RBMS3: variants seen among roughly 807,000 people sequenced by gnomAD.
The protein encoded by RBMS3 is RNA binding motif single stranded interacting protein 3, also known as RNA-binding motif, single-stranded-interacting protein 3.
Under a neutral mutation model 66.8 loss-of-function variants are expected in RBMS3, and 27 were observed. That is an observed-to-expected ratio of 0.40 (90% CI 0.30 to 0.56). RBMS3 has a LOEUF of 0.56. Among genes scored for constraint, RBMS3 ranks in the 20% least tolerant of loss-of-function variants. The pLI is 0.40. For synonymous variants in RBMS3, 188 were observed against 183.0 expected (o/e 1.03, Z -0.22); for missense variants, 513 against 549.5 (o/e 0.93, Z 0.66).
chr3:29,543,140 G>C (rs1044688560), intron 3 of RBMS3, among the ~76,000 whole-genome samples: 1 of 152,084 alleles, frequency 6.6e-6, no homozygotes, highest in African/African-American at 2.4e-5. Flanking sequence ...ACCTCCAAGA[G>C]ACATTTCCAT....
chr3:29,961,801 CACA>C (rs1180271463), intron 12 of RBMS3, among the ~76,000 whole-genome samples: 1 of 151,402 alleles, frequency 6.6e-6, no homozygotes, highest in African/African-American at 2.4e-5. Flanking sequence ...AGGTCCTTCC[CACA>C]ACATGTGAGG....
chr3:29,343,393 A>G (rs544282645), intron 1 of RBMS3, among the ~76,000 whole-genome samples: 2 of 152,258 alleles, frequency 1.3e-5, no homozygotes, highest in East Asian at 3.9e-4. Context: ...AGAACAATGC[A>G]ATTTGACATA....
intron 3 of RBMS3, among the ~76,000 whole-genome samples, chr3:29,509,321 G>A (rs751017808): frequency 3.3e-5 from 5 of 152,100 alleles, no homozygotes; most frequent in Non-Finnish European, 5.9e-5. Flanking sequence ...CTCTTTGCCT[G>A]TAACGTAACA....
intron 3 of RBMS3, among the ~76,000 whole-genome samples, chr3:29,527,882 A>G (rs2148987348): frequency 6.7e-6 from 1 of 149,188 alleles, no homozygotes; most frequent in East Asian, 2.0e-4. Context: ...AAACCTGCAC[A>G]TTGTGCACAT....
At chr3:29,738,307 A>G (rs555859973) in intron 4 of RBMS3, among the ~76,000 whole-genome samples, 1 of 152,220 alleles carries the variant, frequency 6.6e-6, no homozygotes, top group East Asian at 1.9e-4. Flanking sequence ...TCTTTTTCTA[A>G]TTTAATGTCT....
In RBMS3 at chr3:29,472,194, ATT is replaced by A. The variant is rs11326167; in HGVS notation, c.249-16230_249-16229del. Among the ~76,000 whole-genome samples, 493 of 139,862 alleles carry A rather than the reference ATT, an allele frequency of 3.5e-3. 2 individuals carry two copies. Among genetic ancestry groups the A allele is most frequent in the African/African-American group, 0.01 (385 of 37,804 alleles). 91.8% of individuals were successfully genotyped at this position (139,862 alleles called of 152,430 possible). A position where few individuals can be genotyped will look rare whatever the true frequency, so the allele number is the denominator to read the frequency against. On this transcript the variant is annotated intron_variant, in intron 2 of 14. Coordinates refer to ENST00000383767, the MANE Select transcript of RBMS3 (RefSeq NM_001003793.3). ...GGAAAAACCCTTTATGCCTCTTCTA[ATT>A]TTTTTTTTTTTTTTTTGAAATGGGG...
chr3:29,629,315 T>C (rs2049193882), intron 4 of RBMS3, among the ~76,000 whole-genome samples: 1 of 152,122 alleles, frequency 6.6e-6, no homozygotes, highest in Non-Finnish European at 1.5e-5. Flanking sequence ...GGCAAATTAT[T>C]TAACTCTTCT....
chr3:29,305,424 A>G (rs1345411084), intron 1 of RBMS3, among the ~76,000 whole-genome samples: 2 of 151,918 alleles, frequency 1.3e-5, no homozygotes, highest in African/African-American at 2.4e-5. Context: ...TCTCAACACA[A>G]TGGTAGGTGC....
At chr3:29,483,102 G>A (rs919620997) in intron 2 of RBMS3, among the ~76,000 whole-genome samples, 6 of 151,282 alleles carry the variant, frequency 4.0e-5, no homozygotes, top group African/African-American at 1.5e-4. Context: ...AGTCGAGATC[G>A]AGACCATCCT....
intron 2 of RBMS3, among the ~76,000 whole-genome samples, chr3:29,469,664 C>CATATATATATATATAT (rs138407126): frequency 6.7e-6 from 1 of 148,260 alleles, no homozygotes; most frequent in Non-Finnish European, 1.5e-5. Context: ...AAAACTAAAC[C>CATATATATATATATAT]ATATATATAT....
chr3:29,343,940 A>G (rs1220219191), intron 1 of RBMS3, among the ~76,000 whole-genome samples: 2 of 152,224 alleles, frequency 1.3e-5, no homozygotes, highest in Non-Finnish European at 2.9e-5. Flanking sequence ...GCAAACATAA[A>G]TAACAGTGTT....
In RBMS3 at chr3:29,881,868, G is replaced by A. The variant is rs540347795; in HGVS notation, c.745-2294G>A. Among the ~76,000 whole-genome samples, 18 of 152,200 alleles carry A rather than the reference G, an allele frequency of 1.2e-4. No individual in the cohort carries two copies. The East Asian group carries it at 2.1e-3, about 18-fold the overall frequency. ...GATAGCATTGGTCTCTTTGAGCACC[G>A]TAGGAAAATAAGTACAAGGAAAAAG... On this transcript the variant is annotated intron_variant, in intron 7 of 14. Transcript: ENST00000383767.
At chr3:29,998,711 A>G (rs1699416739) in intron 14 of RBMS3, among the ~76,000 whole-genome samples, 1 of 152,236 alleles carries the variant, frequency 6.6e-6, no homozygotes, top group South Asian at 2.1e-4. Flanking sequence ...CTGGCTAGCC[A>G]TATGTAGAAA....
intron 14 of RBMS3, among the ~76,000 whole-genome samples, chr3:29,992,050 G>A (rs1698911675): frequency 6.6e-6 from 1 of 152,092 alleles, no homozygotes; most frequent in South Asian, 2.1e-4. Context: ...AAAGAATTTA[G>A]AAAAGTAAAG....
intron 4 of RBMS3, among the ~76,000 whole-genome samples, chr3:29,599,975 A>G (rs1285507848): frequency 7.2e-5 from 11 of 152,158 alleles, no homozygotes; most frequent in African/African-American, 2.7e-4. Flanking sequence ...AATCCACATT[A>G]TAAATCATCA....
At chr3:29,513,093 C>G (rs2044477895) in intron 3 of RBMS3, among the ~76,000 whole-genome samples, 1 of 152,170 alleles carries the variant, frequency 6.6e-6, no homozygotes, top group Non-Finnish European at 1.5e-5. Context: ...ATATAGGTCT[C>G]TCTCCTGAAC....
chr3:29,673,160 C>A (rs948254394), intron 4 of RBMS3, among the ~76,000 whole-genome samples: 52 of 152,078 alleles, frequency 3.4e-4, no homozygotes, highest in Admixed American at 3.3e-3. Flanking sequence ...GGGTAAATAA[C>A]GAAATGAAGG....
chr3:29,732,672 G>T (rs2054185818), intron 4 of RBMS3, among the ~76,000 whole-genome samples: 1 of 152,112 alleles, frequency 6.6e-6, no homozygotes, highest in Non-Finnish European at 1.5e-5. Context: ...TGCCTTTAGG[G>T]CAGTTTGTTA....
At chr3:29,445,809 C>T (rs1575834620) in intron 2 of RBMS3, among the ~76,000 whole-genome samples, 1 of 152,140 alleles carries the variant, frequency 6.6e-6, no homozygotes, top group African/African-American at 2.4e-5. Context: ...TTGTCATATT[C>T]GTTATATCTC....
Sources: gnomAD v4.1 joint callset for allele counts (sites outside exome capture counted in the v4.1 genomes callset) on GRCh38, gnomAD v4.1.1 for gene constraint, MANE v1.5 for transcripts, NCBI Gene and HGNC (gene_info 2026-07-23, HGNC 2026-07-21) for gene names.